Variants in TMPRSS11D observed in about 807,000 individuals in gnomAD.
TMPRSS11D encodes transmembrane protease serine 11D.
A neutral mutation model predicts 44.4 loss-of-function variants in TMPRSS11D; 32 were observed. The observed-to-expected ratio is 0.72, with a 90% CI of 0.54 to 0.97. The LOEUF (loss-of-function observed/expected upper bound fraction) is 0.97, where lower values mean the gene tolerates loss of function less well. Ranked by LOEUF, TMPRSS11D falls within the 50% of genes least tolerant of loss-of-function variation. The probability of loss-of-function intolerance (pLI) is 0.00; values close to 1 mark genes in which losing one functional copy is unlikely to be tolerated. For synonymous variants in TMPRSS11D, 179 were observed against 177.9 expected (o/e 1.01, Z -0.05); for missense variants, 446 against 502.6 (o/e 0.89, Z 1.08).
chr4:67,825,771 C>T lies in TMPRSS11D; in HGVS notation c.1056G>A (p.Leu352=), dbSNP rs777081980. The change falls in exon 9 of 10, where the codon CTG becomes CTA. Residue 352 remains leucine (L), a synonymous_variant. Coordinates refer to ENST00000283916, the MANE Select transcript of TMPRSS11D (RefSeq NM_004262.3). The part of the protein sequence containing the change: ...SYNGAILSGM[L]CAGVPQGGVD... The stretch of plus-strand genomic sequence containing the variant: ...CTCCACCTTGAGGTACTCCAGCACA[C>T]AGCATTCCAGACAAGATGGCTCCAT... The T allele has an allele frequency of 1.9e-6, 3 of 1,613,090 alleles. No homozygotes were observed. In the Admixed American group the frequency reaches 5.0e-5, roughly 27 times the overall value.
rs1183233252 is a variant in TMPRSS11D, at chr4:67,844,619, C to CA, written c.250-1995dup. 7.7e-3 allele frequency among the ~76,000 whole-genome samples: 1,130 copies of CA among 147,110 alleles called. 12 individuals carry two copies. The highest frequency in any genetic ancestry group is 0.023 in the African/African-American group (908 of 40,268). Reference sequence around the variant, plus strand: ...TGAAACCCTGTCTCTCCTAAAAATACAAAAAAAAAATTAGCCAGGTGTGGT... The same window carrying CA: ...TGAAACCCTGTCTCTCCTAAAAATACAAAAAAAAAAATTAGCCAGGTGTGGT... On this transcript the variant is annotated intron_variant, in intron 3 of 9. Transcript: ENST00000283916.
At chr4:67,832,525 T>G (rs1345951869) in intron 7 of TMPRSS11D, among the ~76,000 whole-genome samples, 2 of 151,956 alleles carry the variant, frequency 1.3e-5, no homozygotes, top group Non-Finnish European at 2.9e-5. Flanking sequence ...GTCACCTCAA[T>G]TAAGAATTCT....
In TMPRSS11D at chr4:67,833,364, C is replaced by G. The variant is rs2109664122; in HGVS notation, c.532G>C (p.Asp178His). The G allele has an allele frequency of 1.3e-6, 2 of 1,532,792 alleles. No homozygotes were observed. Among genetic ancestry groups the G allele is most frequent in the East Asian group, 4.9e-5 (2 of 40,856 alleles). The allele number at this position is 1,532,792 out of a possible 1,614,324, so 94.9% of individuals were successfully genotyped here. A position where few individuals can be genotyped will look rare whatever the true frequency, so the allele number is the denominator to read the frequency against. ...CTCTGCTCAGACAATGTTATTAGGT[C>G]TGGACCGGCCCCACATTCTAATGAG... ...WLINECGAGP[D>H]LITLSEQRIL... Residue 178 changes from aspartate to histidine, a missense_variant, in exon 7 of 10, where the codon GAC (aspartate) becomes CAC (histidine). Asp to His is a moderately conservative substitution (Grantham distance 81). Coordinates refer to ENST00000283916, the MANE Select transcript of TMPRSS11D (RefSeq NM_004262.3).
Position 67,825,809 on chromosome 4 carries a change from G to T in TMPRSS11D, c.1018C>A (p.Pro340Thr), listed in dbSNP as rs150964886. Residue 340 changes from proline to threonine, a missense_variant, in exon 9 of 10, where the codon CCA becomes ACA. Pro to Thr is a conservative substitution (Grantham distance 38, BLOSUM62 -1). Transcript: ENST00000283916. The part of the protein sequence containing the change: ...RIISNDVCNA[P>T]HSYNGAILSG... ...AAGATGGCTCCATTATAACTATGTG[G>T]TGCATTACATACATCATTACTTATT... 2 of 1,613,206 alleles carry T rather than the reference G, an allele frequency of 1.2e-6. No individual in the cohort carries two copies. Among genetic ancestry groups the T allele is most frequent in the Non-Finnish European group, 1.7e-6 (2 of 1,179,484 alleles).
chr4:67,824,222 A>G (rs912144213), intron 9 of TMPRSS11D, among the ~76,000 whole-genome samples: 6 of 151,644 alleles, frequency 4.0e-5, no homozygotes, highest in Non-Finnish European at 1.5e-5. Flanking sequence ...TATACATGGA[A>G]GGTATCATGG....
intron 1 of TMPRSS11D, among the ~76,000 whole-genome samples, chr4:67,875,995 C>A (rs1027515197): frequency 3.3e-5 from 5 of 152,124 alleles, no homozygotes; most frequent in African/African-American, 9.7e-5. Context: ...CTAATACTGG[C>A]ACAAAGAGTC....
chr4:67,855,410 T>C (rs2109685076), intron 2 of TMPRSS11D, among the ~76,000 whole-genome samples: 1 of 152,246 alleles, frequency 6.6e-6, no homozygotes, highest in East Asian at 1.9e-4. Context: ...TGATTCAACA[T>C]ATGCAAATCA....
chr4:67,878,859 G>A (rs142345209), intron 1 of TMPRSS11D, among the ~76,000 whole-genome samples: 1 of 152,332 alleles, frequency 6.6e-6, no homozygotes, highest in African/African-American at 2.4e-5. Flanking sequence ...CCAGGAGGCA[G>A]AGGTCGCAGT....
chr4:67,845,199 G>A (rs921943069), intron 3 of TMPRSS11D, among the ~76,000 whole-genome samples: 2 of 152,120 alleles, frequency 1.3e-5, no homozygotes, highest in Admixed American at 1.3e-4. Flanking sequence ...TGATTAATTG[G>A]TTGATATGCA....
chr4:67,835,571 G>A (rs1240328931), intron 5 of TMPRSS11D, among the ~76,000 whole-genome samples: 3 of 152,006 alleles, frequency 2.0e-5, no homozygotes, highest in Non-Finnish European at 4.4e-5. Context: ...TTAACTGCGA[G>A]CAAAATATAG....
At position 67,869,844 on chromosome 4, in the gene TMPRSS11D, G is replaced by C. The variant is rs75168627; in HGVS notation, c.9-10166C>G. On this transcript the variant is annotated intron_variant, in intron 1 of 9. Transcript: ENST00000283916. ...AGGTACTTACGACATGGTATAATGA[G>C]ACCAAGGTCAAAGGTTTAATTTTAT... Among the ~76,000 whole-genome samples, 1,083 of 152,304 alleles carry C rather than the reference G, an allele frequency of 7.1e-3. 7 individuals carry two copies. Among genetic ancestry groups the C allele is most frequent in the Middle Eastern group, 0.027 (8 of 294 alleles).
chr4:67,832,561 T>A (rs1680641456), intron 7 of TMPRSS11D, among the ~76,000 whole-genome samples: 3 of 151,900 alleles, frequency 2.0e-5, no homozygotes, highest in Non-Finnish European at 4.4e-5. Context: ...TTAATTTTAT[T>A]TATGCTACTC....
chr4:67,832,098 C>CAT (rs1717959471), intron 7 of TMPRSS11D, among the ~76,000 whole-genome samples: 1 of 151,966 alleles, frequency 6.6e-6, no homozygotes, highest in Non-Finnish European at 1.5e-5. Context: ...ATCAGATACT[C>CAT]ATAGGTAGGG....
At chr4:67,831,361 G>A (rs1717941100) in intron 7 of TMPRSS11D, among the ~76,000 whole-genome samples, 1 of 152,084 alleles carries the variant, frequency 6.6e-6, no homozygotes. Context: ...GGTCTTTAGG[G>A]AGGGGTCCAA....
intron 4 of TMPRSS11D, among the ~76,000 whole-genome samples, chr4:67,839,847 A>G (rs929080538): frequency 6.6e-6 from 1 of 151,290 alleles, no homozygotes; most frequent in Non-Finnish European, 1.5e-5. Flanking sequence ...TATTATTATT[A>G]TACTTTAAGT....
At chr4:67,850,572 C>A (rs973879072) in intron 3 of TMPRSS11D, among the ~76,000 whole-genome samples, 1 of 152,108 alleles carries the variant, frequency 6.6e-6, no homozygotes, top group Non-Finnish European at 1.5e-5. Context: ...GCTGACACCC[C>A]AGGGAAGCGC....
At chr4:67,823,421 A>G (rs1375654074) in intron 9 of TMPRSS11D, among the ~76,000 whole-genome samples, 6 of 152,120 alleles carry the variant, frequency 3.9e-5, no homozygotes, top group Admixed American at 3.9e-4. Context: ...TTCTGAAACT[A>G]GATAGTCTGG....
At chr4:67,876,367 T>C (rs979357774) in intron 1 of TMPRSS11D, among the ~76,000 whole-genome samples, 1 of 152,118 alleles carries the variant, frequency 6.6e-6, no homozygotes, top group Non-Finnish European at 1.5e-5. Flanking sequence ...GTAGTCTTTC[T>C]ATATGTAGAA....
At chr4:67,841,938 A>T (rs1458863893) in intron 4 of TMPRSS11D, among the ~76,000 whole-genome samples, 5 of 152,176 alleles carry the variant, frequency 3.3e-5, no homozygotes, top group Non-Finnish European at 5.9e-5. Flanking sequence ...GACTAGAGCA[A>T]TGTGGTCATT....
Sources: allele counts gnomAD v4.1 joint callset (sites outside exome capture counted in the v4.1 genomes callset), GRCh38; gene constraint gnomAD v4.1.1; transcripts MANE v1.5; gene names NCBI Gene and HGNC (gene_info 2026-07-23, HGNC 2026-07-21).